DMRTA2: variants seen among roughly 807,000 people sequenced by gnomAD.
The protein encoded by DMRTA2 is doublesex- and mab-3-related transcription factor A2.
Under a neutral mutation model 29.7 loss-of-function variants are expected in DMRTA2, and 10 were observed. The ratio of observed to expected loss-of-function variants is 0.34; its 90% CI spans 0.21 to 0.57. DMRTA2 has a LOEUF of 0.57. Ranked by LOEUF, DMRTA2 falls within the 20% of genes least tolerant of loss-of-function variation. The pLI is 0.87. For missense variants in DMRTA2, 783 were observed against 812.1 expected (o/e 0.96, Z 0.44); for synonymous variants, 469 against 402.6 (o/e 1.16, Z -1.97).
Position 50,418,818 on chromosome 1 carries a change from C to T in DMRTA2, c.1476G>A (p.Val492=), listed in dbSNP as rs1646010019. The T allele has an allele frequency of 6.3e-7, 1 of 1,588,706 alleles. No individual in the cohort carries two copies. The highest frequency in any genetic ancestry group is 1.7e-5 in the Admixed American group (1 of 57,734). ...TGGGTGGGCGGAAGCCGAGCGTGGG[C>T]ACCAAGCCGGCAGTGGAGTAGGGCG... The part of the protein sequence containing the change: ...FMAPYSTAGL[V]PTLGFRPPMD... Residue 492 remains valine, a synonymous_variant, in exon 3 of 3, where the codon GTG becomes GTA. Coordinates refer to ENST00000404795, the MANE Select transcript of DMRTA2 (RefSeq NM_032110.3).
In DMRTA2 at chr1:50,419,860, G is replaced by GC. The variant is rs2148965351; in HGVS notation, c.560-127dup. On this transcript the variant is annotated intron_variant, in intron 2 of 2. Coordinates refer to ENST00000404795, the MANE Select transcript of DMRTA2 (RefSeq NM_032110.3). The surrounding 1 kb of genome is among the most constrained non-coding windows in gnomAD (Gnocchi z 6.1). The stretch of plus-strand genomic sequence containing the variant: ...CAGCCCTTATTCACTAGGCTCCAGT[G>GC]CCCCTCTTTCTTTTTGCTCTAGCAT... 1 of 783,574 alleles carries GC rather than the reference G, an allele frequency of 1.3e-6. No individual in the cohort carries two copies. Among genetic ancestry groups the GC allele is most frequent in the Non-Finnish European group, 1.9e-6 (1 of 530,464 alleles). 48.5% of individuals were successfully genotyped at this position (783,574 alleles called of 1,614,324 possible). A position where few individuals can be genotyped will look rare whatever the true frequency, so the allele number is the denominator to read the frequency against.
In DMRTA2 at chr1:50,421,015, C is replaced by T. The variant is rs768461476; in HGVS notation, c.522G>A (p.Ala174=). The change falls in exon 2 of 3, where the codon GCG becomes GCA. Residue 174 remains alanine, a synonymous_variant. Transcript: ENST00000404795. The surrounding 1 kb of genome is among the most constrained non-coding windows in gnomAD (Gnocchi z 8.7). ...DGGGPGAGAP[A]GTGGGAAGAG... is the part of the protein sequence containing the mutation. ...CGCCAGCTGCTCCGCCTCCGGTCCCCGCGGGCGCTCCCGCTCCAGGTCCCC... is the reference window on the plus strand; with the variant it reads ...CGCCAGCTGCTCCGCCTCCGGTCCCTGCGGGCGCTCCCGCTCCAGGTCCCC... The T allele has an allele frequency of 2.7e-6, 4 of 1,507,950 alleles. No homozygotes were observed. In the Admixed American group the frequency reaches 8.2e-5, roughly 31 times the overall value. 93.4% of individuals were successfully genotyped at this position (1,507,950 alleles called of 1,614,324 possible).
Position 50,421,525 on chromosome 1 carries a change from G to C in DMRTA2, c.12C>G (p.Arg4=), listed in dbSNP as rs1323774932. 2.4e-6 allele frequency: 3 copies of C among 1,260,458 alleles called. No individual in the cohort carries two copies. The Admixed American group carries it at 1.2e-4, about 52-fold the overall frequency. 78.1% of individuals were successfully genotyped at this position (1,260,458 alleles called of 1,614,324 possible). Residue 4 remains arginine (R), a synonymous_variant, in exon 2 of 3, where the codon CGC becomes CGG. Coordinates refer to ENST00000404795, the MANE Select transcript of DMRTA2 (RefSeq NM_032110.3). This position sits in a 1 kb window ranked among gnomAD's most constrained non-coding sequence, Gnocchi z 8.7. MEL[R]SELPSVPGAA... Reference sequence around the variant, plus strand: ...CGCCGGGCACGCTGGGCAGCTCCGAGCGCAGCTCCATGACAGGACCTGACG... The same window carrying C: ...CGCCGGGCACGCTGGGCAGCTCCGACCGCAGCTCCATGACAGGACCTGACG...
rs768486678 is a variant in DMRTA2 at position 50,420,576 on chromosome 1, A to AGG, written c.559+400_559+401dup. Among the ~76,000 whole-genome samples, 41 of 150,880 alleles carry AGG rather than the reference A, an allele frequency of 2.7e-4. 1 individual carries two copies. The highest frequency in any genetic ancestry group is 9.3e-4 in the African/African-American group (38 of 41,042). On this transcript the variant is annotated intron_variant, in intron 2 of 2. Transcript: ENST00000404795. This position sits in a 1 kb window ranked among gnomAD's most constrained non-coding sequence, Gnocchi z 4.1. ...TCTCAAAACCTAGGGTGTCAGTTAA[A>AGG]GGGGGGGGGATTCCTTAAGGGAGTT...
rs981929123 is a variant in DMRTA2, at chr1:50,418,088, C to G, written c.*577G>C. 2.7e-5 allele frequency: 4 copies of G among 150,436 alleles called. No homozygotes were observed. The highest frequency in any genetic ancestry group is 9.8e-5 in the African/African-American group (4 of 40,912). 9.3% of individuals were successfully genotyped at this position (150,436 alleles called of 1,614,324 possible). A position where few individuals can be genotyped will look rare whatever the true frequency, so the allele number is the denominator to read the frequency against. Reference sequence around the variant, plus strand: ...TTATCGGCATAAGCAACAAAGAGAGCGACAAATACCGCAACGAGGAAAGTG... The same window carrying G: ...TTATCGGCATAAGCAACAAAGAGAGGGACAAATACCGCAACGAGGAAAGTG... On this transcript the variant is annotated 3_prime_UTR_variant, in exon 3 of 3. Transcript: ENST00000404795.
rs545566374 is a variant in DMRTA2, at chr1:50,420,647, C to A, written c.559+331G>T. Among the ~76,000 whole-genome samples the A allele has an allele frequency of 6.6e-6, 1 of 152,156 alleles. No individual in the cohort carries two copies. Among genetic ancestry groups the A allele is most frequent in the African/African-American group, 2.4e-5 (1 of 41,508 alleles). On this transcript the variant is annotated intron_variant, in intron 2 of 2. Transcript: ENST00000404795. The surrounding 1 kb of genome is among the most constrained non-coding windows in gnomAD (Gnocchi z 4.1). ...GGCCTGTGGAGAAGCGCAGAGCGAA[C>A]GAAGATGCGCAGGTTTCCACCTGGG...
At position 50,419,231 on chromosome 1, in the gene DMRTA2, G is replaced by T; in HGVS notation, c.1063C>A (p.Arg355Ser). The change falls in exon 3 of 3, where the codon CGT becomes AGT. Residue 355 changes from arginine (R) to serine (S), a missense_variant. Around this residue, in one of 3 missense-constraint regions of DMRTA2, gnomAD observed 667 missense variants for 624.8 expected, o/e 1.07. Transcript: ENST00000404795. The surrounding 1 kb of genome is among the most constrained non-coding windows in gnomAD (Gnocchi z 6.1). ...QAIEQVLNHH[R>S]GGLAAGLGPA... ...CCCAGGCCGGCCGCCAGGCCCCCACGGTGGTGGTTCAGCACCTGCTCGATG... is the reference window on the plus strand; with the variant it reads ...CCCAGGCCGGCCGCCAGGCCCCCACTGTGGTGGTTCAGCACCTGCTCGATG... 1.3e-6 allele frequency: 2 copies of T among 1,505,952 alleles called. No individual in the cohort carries two copies. The highest frequency in any genetic ancestry group is 1.2e-5 in the South Asian group (1 of 81,194). 93.3% of individuals were successfully genotyped at this position (1,505,952 alleles called of 1,614,324 possible). A position where few individuals can be genotyped will look rare whatever the true frequency, so the allele number is the denominator to read the frequency against.
chr1:50,420,644 G>A lies in DMRTA2; in HGVS notation c.559+334C>T, dbSNP rs1646029416. Among the ~76,000 whole-genome samples the A allele has an allele frequency of 6.6e-6, 1 of 152,162 alleles. No homozygotes were observed. Among genetic ancestry groups the A allele is most frequent in the African/African-American group, 2.4e-5 (1 of 41,432 alleles). ...AAGGGCCTGTGGAGAAGCGCAGAGC[G>A]AACGAAGATGCGCAGGTTTCCACCT... is the stretch of plus-strand genomic sequence containing the variant. On this transcript the variant is annotated intron_variant, in intron 2 of 2. Transcript: ENST00000404795. This position sits in a 1 kb window ranked among gnomAD's most constrained non-coding sequence, Gnocchi z 4.1.
In DMRTA2 at chr1:50,421,175, T is replaced by G; in HGVS notation, c.362A>C (p.Gln121Pro). Residue 121 changes from glutamine (Q) to proline (P), a missense_variant, in exon 2 of 3, where the codon CAG becomes CCG. Transcript: ENST00000404795. The surrounding 1 kb of genome is among the most constrained non-coding windows in gnomAD (Gnocchi z 8.7). ...CAGCTCGCGCGCCTCGTTCTCCTCC[T>G]GCGCCTGCTGCCTGCGCAGCGCCAC... ...AQVALRRQQA[Q>P]EENEARELQL... is the part of the protein sequence containing the mutation. 1 of 1,537,044 alleles carries G rather than the reference T, an allele frequency of 6.5e-7. No homozygotes were observed. Among genetic ancestry groups the G allele is most frequent in the Non-Finnish European group, 8.8e-7 (1 of 1,142,400 alleles).
At position 50,419,212 on chromosome 1, in the gene DMRTA2, C is replaced by A; in HGVS notation, c.1082G>T (p.Gly361Val). The A allele has an allele frequency of 6.8e-7, 1 of 1,461,254 alleles. No homozygotes were observed. Among genetic ancestry groups the A allele is most frequent in the East Asian group, 2.7e-5 (1 of 36,724 alleles). 90.5% of individuals were successfully genotyped at this position (1,461,254 alleles called of 1,614,324 possible). A position where few individuals can be genotyped will look rare whatever the true frequency, so the allele number is the denominator to read the frequency against. ...LNHHRGGLAA[G>V]LGPAAPPDKA... ...ATCTGGGGGCGCCGCAGGGCCCAGG[C>A]CGGCCGCCAGGCCCCCACGGTGGTG... Residue 361 changes from glycine to valine, a missense_variant, in exon 3 of 3, where the codon GGC becomes GTC. Physicochemically the swap from Gly to Val is moderately radical, Grantham distance 109 (BLOSUM62 -3). This residue lies in a region of DMRTA2 where 667 missense variants were observed against 624.8 expected (regional missense o/e 1.07). Transcript: ENST00000404795. This position sits in a 1 kb window ranked among gnomAD's most constrained non-coding sequence, Gnocchi z 6.1.
rs1450562913 is a variant in DMRTA2 at position 50,417,765 on chromosome 1, G to A, written c.*900C>T. 1 of 152,226 alleles carries A rather than the reference G, an allele frequency of 6.6e-6. No individual in the cohort carries two copies. The highest frequency in any genetic ancestry group is 1.5e-5 in the Non-Finnish European group (1 of 68,058). The allele number at this position is 152,226 out of a possible 1,614,324, so 9.4% of individuals were successfully genotyped here. ...GTGCGCACCTTGACGGCTCCTTAGG[G>A]ACAGACCAGCCGCAGGCAAGAGGGG... On this transcript the variant is annotated 3_prime_UTR_variant, in exon 3 of 3. Coordinates refer to ENST00000404795, the MANE Select transcript of DMRTA2 (RefSeq NM_032110.3).
At position 50,421,449 on chromosome 1, in the gene DMRTA2, C is replaced by A; in HGVS notation, c.88G>T (p.Ala30Ser). Residue 30 changes from alanine to serine, a missense_variant, in exon 2 of 3, where the codon GCG (alanine) becomes TCG (serine). Ala to Ser is a moderately conservative substitution (Grantham distance 99). Around this residue, in one of 3 missense-constraint regions of DMRTA2, gnomAD observed 76 missense variants for 152.6 expected, o/e 0.50. Coordinates refer to ENST00000404795, the MANE Select transcript of DMRTA2 (RefSeq NM_032110.3). This position sits in a 1 kb window ranked among gnomAD's most constrained non-coding sequence, Gnocchi z 8.7. Reference protein sequence around the residue: ...TATGPPVASVASVAAAAAAAA... With the variant: ...TATGPPVASVSSVAAAAAAAA... ...GCCGCCGCGGCTGCCGCCACCGACG[C>A]CACCGACGCCACAGGCGGCCCCGTC... 7.5e-7 allele frequency: 1 copy of A among 1,326,238 alleles called. No individual in the cohort carries two copies. The allele number at this position is 1,326,238 out of a possible 1,614,324, so 82.2% of individuals were successfully genotyped here. A position where few individuals can be genotyped will look rare whatever the true frequency, so the allele number is the denominator to read the frequency against.
In DMRTA2 at chr1:50,419,888, C is replaced by T. The variant is rs1646023885; in HGVS notation, c.560-154G>A. ...CCTCTTTCTTTTTGCTCTAGCATTC[C>T]TTCCGCTCTGAGCCCCTACAGCCCT... On this transcript the variant is annotated intron_variant, in intron 2 of 2. Transcript: ENST00000404795. This position sits in a 1 kb window ranked among gnomAD's most constrained non-coding sequence, Gnocchi z 6.1. Among the ~76,000 whole-genome samples the T allele has an allele frequency of 6.6e-6, 1 of 152,134 alleles. No individual in the cohort carries two copies. The highest frequency in any genetic ancestry group is 2.1e-4 in the South Asian group (1 of 4,832).
At position 50,420,773 on chromosome 1, in the gene DMRTA2, T is replaced by C. The variant is rs1328039543; in HGVS notation, c.559+205A>G. The stretch of plus-strand genomic sequence containing the variant: ...TTCGGCCCGATGCAGGAGAAAGGGG[T>C]AAAGTGCAAATGCTCCAGAAGCGGG... On this transcript the variant is annotated intron_variant, in intron 2 of 2. Coordinates refer to ENST00000404795, the MANE Select transcript of DMRTA2 (RefSeq NM_032110.3). The surrounding 1 kb of genome is among the most constrained non-coding windows in gnomAD (Gnocchi z 4.1). 6.6e-6 allele frequency among the ~76,000 whole-genome samples: 1 copy of C among 151,798 alleles called. No individual in the cohort carries two copies. The highest frequency in any genetic ancestry group is 6.5e-5 in the Admixed American group (1 of 15,268).
Position 50,419,517 on chromosome 1 carries a change from T to C in DMRTA2, c.777A>G (p.Ala259=). Residue 259 remains alanine (A), a synonymous_variant, in exon 3 of 3, where the codon GCA becomes GCG. Transcript: ENST00000404795. This position sits in a 1 kb window ranked among gnomAD's most constrained non-coding sequence, Gnocchi z 6.1. ...CAGCGCTGCCTGGGCAGCTGCCACC[T>C]GCCTCTTTGGAGGCCCGAGCTAGGG... ...GSPLARASKE[A]GGSCPGSAGP... 6.3e-7 allele frequency: 1 copy of C among 1,588,862 alleles called. No individual in the cohort carries two copies.
chr1:50,419,654 C>CCGGCGG lies in DMRTA2; in HGVS notation c.634_639dup (p.Pro212_Pro213dup). The stretch of plus-strand genomic sequence containing the variant: ...GCGCCGTCGGGTGATAAGGGCTTCA[C>CCGGCGG]CGGCGGCGGCAGCGGGCTGCCCGGG... On this transcript the variant is annotated inframe_insertion, in exon 3 of 3. Coordinates refer to ENST00000404795, the MANE Select transcript of DMRTA2 (RefSeq NM_032110.3). The surrounding 1 kb of genome is among the most constrained non-coding windows in gnomAD (Gnocchi z 6.1). The CCGGCGG allele has an allele frequency of 6.7e-7, 1 of 1,500,262 alleles. No individual in the cohort carries two copies. Among genetic ancestry groups the CCGGCGG allele is most frequent in the Non-Finnish European group, 8.9e-7 (1 of 1,127,988 alleles). The allele number at this position is 1,500,262 out of a possible 1,614,324, so 92.9% of individuals were successfully genotyped here. A position where few individuals can be genotyped will look rare whatever the true frequency, so the allele number is the denominator to read the frequency against.
chr1:50,419,170 G>A lies in DMRTA2; in HGVS notation c.1124C>T (p.Ala375Val). The change falls in exon 3 of 3, where the codon GCT becomes GTT. Residue 375 changes from alanine to valine, a missense_variant. By Grantham distance (64) the Ala-to-Val change is moderately conservative. This residue lies in a region of DMRTA2 where 667 missense variants were observed against 624.8 expected (regional missense o/e 1.07). Transcript: ENST00000404795. The surrounding 1 kb of genome is among the most constrained non-coding windows in gnomAD (Gnocchi z 6.1). ...CCACGCGTCGTCTGCAGCTGCTGCAGCACCCACGGCGGCCTTATCTGGGGG... is the reference window on the plus strand; with the variant it reads ...CCACGCGTCGTCTGCAGCTGCTGCAACACCCACGGCGGCCTTATCTGGGGG... Reference protein sequence around the residue: ...AAPPDKAAVGAAAAADDAWPS... With the variant: ...AAPPDKAAVGVAAAADDAWPS... 2 of 1,293,996 alleles carry A rather than the reference G, an allele frequency of 1.5e-6. No individual in the cohort carries two copies. Among genetic ancestry groups the A allele is most frequent in the Non-Finnish European group, 2.0e-6 (2 of 1,024,566 alleles). 80.2% of individuals were successfully genotyped at this position (1,293,996 alleles called of 1,614,324 possible).
At position 50,421,384 on chromosome 1, in the gene DMRTA2, C is replaced by T. The variant is rs369583500; in HGVS notation, c.153G>A (p.Leu51=). The T allele has an allele frequency of 1.4e-5, 21 of 1,493,848 alleles. No homozygotes were observed. The East Asian group carries it at 2.6e-4, about 19-fold the overall frequency. The allele number at this position is 1,493,848 out of a possible 1,614,324, so 92.5% of individuals were successfully genotyped here. Residue 51 remains leucine (L), a synonymous_variant, in exon 2 of 3, where the codon CTG becomes CTA. Transcript: ENST00000404795. This position sits in a 1 kb window ranked among gnomAD's most constrained non-coding sequence, Gnocchi z 8.7. The part of the protein sequence containing the change: ...SLPVSVAGGL[L]RGPPLLLRAA... ...CCCGCAGCAACAGTGGCGGCCCCCG[C>T]AGCAAGCCGCCTGCCACGCTCACCG...
chr1:50,419,662 G>GGCA lies in DMRTA2; in HGVS notation c.629_631dup (p.Leu210dup), dbSNP rs1557940011. ...GGGTGATAAGGGCTTCACCGGCGGC[G>GGCA]GCAGCGGGCTGCCCGGGCGGCCTGC... On this transcript the variant is annotated inframe_insertion, in exon 3 of 3. Coordinates refer to ENST00000404795, the MANE Select transcript of DMRTA2 (RefSeq NM_032110.3). This position sits in a 1 kb window ranked among gnomAD's most constrained non-coding sequence, Gnocchi z 6.1. 6.7e-7 allele frequency: 1 copy of GGCA among 1,497,438 alleles called. No homozygotes were observed. Among genetic ancestry groups the GGCA allele is most frequent in the Admixed American group, 2.4e-5 (1 of 41,830 alleles). 92.8% of individuals were successfully genotyped at this position (1,497,438 alleles called of 1,614,324 possible).
Sources: gnomAD v4.1 joint callset for allele counts (sites outside exome capture counted in the v4.1 genomes callset) on GRCh38, gnomAD v4.1.1 for gene constraint, gnomAD v4.1.1 regional missense constraint, Gnocchi (gnomAD v3.1) non-coding constraint, MANE v1.5 for transcripts, NCBI Gene and HGNC (gene_info 2026-07-23, HGNC 2026-07-21) for gene names.